Variants in MARCHF10 observed in about 807,000 individuals in gnomAD.
MARCHF10 encodes the protein probable E3 ubiquitin-protein ligase MARCHF10.
MARCHF10 carries 64 observed loss-of-function variants against 76.2 expected under a neutral mutation model. The ratio of observed to expected loss-of-function variants is 0.84; its 90% CI spans 0.69 to 1.03. The LOEUF (loss-of-function observed/expected upper bound fraction) is 1.03. MARCHF10 is among the 50% of genes least tolerant of loss of function. MARCHF10 has a pLI of 0.00. For missense variants in MARCHF10, 875 were observed against 958.0 expected, an observed-to-expected ratio of 0.91 and a Z score of 1.14; for synonymous variants, 340 against 357.5, an observed-to-expected ratio of 0.95 and a Z score of 0.55.
chr17:62,784,287 A>G (rs545427967), intron 3 of MARCHF10, among the ~76,000 whole-genome samples: 1 of 152,342 alleles, frequency 6.6e-6, no homozygotes, highest in African/African-American at 2.4e-5. Flanking sequence ...TGATTATCTC[A>G]ATAGATGCAG....
In MARCHF10 at chr17:62,748,057, C is replaced by A. The variant is rs1293474460; in HGVS notation, c.383-3529G>T. On this transcript the variant is annotated intron_variant, in intron 4 of 10. Transcript: ENST00000311269. Reference sequence around the variant, plus strand: ...TCTCTTCTCTGTCTGTAAGTGCAGTCACAAATGAGGTGACCTAGATTGCAC... The same window carrying A: ...TCTCTTCTCTGTCTGTAAGTGCAGTAACAAATGAGGTGACCTAGATTGCAC... 2.6e-5 allele frequency among the ~76,000 whole-genome samples: 4 copies of A among 152,138 alleles called. No individual in the cohort carries two copies. In the East Asian group the frequency reaches 5.8e-4, roughly 22 times the overall value.
intron 2 of MARCHF10, among the ~76,000 whole-genome samples, chr17:62,797,237 T>C (rs1479744369): frequency 6.6e-6 from 1 of 152,158 alleles, no homozygotes; most frequent in Admixed American, 6.5e-5. Context: ...CGAGTTTCAC[T>C]CTTGTTGCCC....
At chr17:62,767,357 G>A (rs1014063445) in intron 3 of MARCHF10, among the ~76,000 whole-genome samples, 2 of 150,700 alleles carry the variant, frequency 1.3e-5, no homozygotes, top group African/African-American at 4.9e-5. Context: ...TGCATGCTCA[G>A]AATGGAAAAA....
chr17:62,798,548 C>T (rs533632482), intron 2 of MARCHF10, among the ~76,000 whole-genome samples: 8 of 151,938 alleles, frequency 5.3e-5, no homozygotes, highest in African/African-American at 1.7e-4. Context: ...GGAAGGAGCC[C>T]GGTGAATTTG....
At chr17:62,757,814 T>C (rs902691230) in intron 4 of MARCHF10, among the ~76,000 whole-genome samples, 2 of 152,276 alleles carry the variant, frequency 1.3e-5, no homozygotes, top group Admixed American at 6.5e-5. Context: ...TTCTGCCAAC[T>C]TGGCTCTGTC....
At chr17:62,759,011 A>T (rs1354902851) in intron 4 of MARCHF10, among the ~76,000 whole-genome samples, 1 of 152,240 alleles carries the variant, frequency 6.6e-6, no homozygotes, top group African/African-American at 2.4e-5. Context: ...CCCCAGGCAG[A>T]AGACTGGTCT....
intron 10 of MARCHF10, among the ~76,000 whole-genome samples, chr17:62,704,537 C>T (rs1300713019): frequency 6.6e-6 from 1 of 152,274 alleles, no homozygotes; most frequent in Non-Finnish European, 1.5e-5. Context: ...GGGTCGTAAT[C>T]TGGGCCCCAC....
intron 3 of MARCHF10, among the ~76,000 whole-genome samples, chr17:62,777,154 G>A (rs1313394315): frequency 6.6e-6 from 1 of 152,108 alleles, no homozygotes. Flanking sequence ...CTATTACGGC[G>A]ATATGGTTAC....
chr17:62,732,198 T>C (rs1262813237), intron 6 of MARCHF10, among the ~76,000 whole-genome samples: 1 of 152,126 alleles, frequency 6.6e-6, no homozygotes, highest in Admixed American at 6.6e-5. Context: ...ATCGCAAATA[T>C]GTCAATTCTC....
chr17:62,781,363 C>T (rs2092655445), intron 3 of MARCHF10, among the ~76,000 whole-genome samples: 1 of 152,160 alleles, frequency 6.6e-6, no homozygotes, highest in African/African-American at 2.4e-5. Context: ...TTCGTTTTCA[C>T]AATGATCCCA....
At chr17:62,788,457 C>T in intron 3 of MARCHF10, 23 bp downstream of exon 3, 1 of 1,613,610 alleles carries the variant, frequency 6.2e-7, no homozygotes. Flanking sequence ...CCCCAGGAGA[C>T]TGTCTCCCAG....
intron 6 of MARCHF10, among the ~76,000 whole-genome samples, chr17:62,732,012 T>G (rs1277256177): frequency 6.6e-6 from 1 of 152,150 alleles, no homozygotes; most frequent in Admixed American, 6.5e-5. Context: ...AACAAAGAGT[T>G]AAAATTAGAA....
intron 3 of MARCHF10, among the ~76,000 whole-genome samples, chr17:62,777,437 T>C (rs2092571894): frequency 6.6e-6 from 1 of 152,104 alleles, no homozygotes. Context: ...TAAAAGTAGG[T>C]ATAGCCTGGG....
Position 62,736,644 on chromosome 17 carries a change from C to T in MARCHF10, c.1224G>A (p.Glu408=). Reference sequence around the variant, plus strand: ...CATTGACACCAACCTCTTGTCTGGGCTCGGATTTGGTGTCCCACGAAAGAG... The same window carrying T: ...CATTGACACCAACCTCTTGTCTGGGTTCGGATTTGGTGTCCCACGAAAGAG... ...KSPLSWDTKS[E]PRQEVGVNAE... Residue 408 remains glutamate (E), a synonymous_variant, in exon 6 of 11, where the codon GAG becomes GAA. Coordinates refer to ENST00000311269, the MANE Select transcript of MARCHF10 (RefSeq NM_152598.4). The T allele has an allele frequency of 1.2e-6, 2 of 1,614,156 alleles. No homozygotes were observed. Among genetic ancestry groups the T allele is most frequent in the Middle Eastern group, 1.6e-4 (1 of 6,062 alleles).
At chr17:62,801,373 T>C (rs1256116408) in intron 2 of MARCHF10, among the ~76,000 whole-genome samples, 1 of 152,014 alleles carries the variant, frequency 6.6e-6, no homozygotes, top group Non-Finnish European at 1.5e-5. Flanking sequence ...CAGGATGGTC[T>C]CGATCTCCTG....
Position 62,759,809 on chromosome 17 carries a change from T to C in MARCHF10, c.382+26A>G, listed in dbSNP as rs764007518. 9 of 1,606,582 alleles carry C rather than the reference T, an allele frequency of 5.6e-6. No individual in the cohort carries two copies. The East Asian group carries it at 2.0e-4, about 36-fold the overall frequency. On this transcript the variant is annotated intron_variant, in intron 4 of 10. Transcript: ENST00000311269. ...TTTAATACCGGGATTTTAGATCTGA[T>C]GAATTTCAATAAGCCAGCCACTCAC...
chr17:62,749,731 A>G (rs988617108), intron 4 of MARCHF10, among the ~76,000 whole-genome samples: 18 of 152,202 alleles, frequency 1.2e-4, no homozygotes, highest in African/African-American at 3.4e-4. Context: ...GTAGGCAGGA[A>G]AGGGAATGTA....
chr17:62,715,159 C>G (rs1275909183), intron 8 of MARCHF10, among the ~76,000 whole-genome samples: 5 of 152,178 alleles, frequency 3.3e-5, no homozygotes, highest in Non-Finnish European at 7.4e-5. Flanking sequence ...GGTTTGGGGA[C>G]CACCCATTTT....
At chr17:62,784,703 A>C (rs951487995) in intron 3 of MARCHF10, among the ~76,000 whole-genome samples, 2 of 152,214 alleles carry the variant, frequency 1.3e-5, no homozygotes, top group African/African-American at 4.8e-5. Context: ...AATGTGCAAA[A>C]ATCACAAGCA....
Sources: allele counts gnomAD v4.1 joint callset (sites outside exome capture counted in the v4.1 genomes callset), GRCh38; gene constraint gnomAD v4.1.1; transcripts MANE v1.5; gene names NCBI Gene and HGNC (gene_info 2026-07-23, HGNC 2026-07-21).